BFSP1: variants seen among roughly 807,000 people sequenced by gnomAD.
The protein encoded by BFSP1 is filensin.
Under a neutral mutation model 43.9 loss-of-function variants are expected in BFSP1, and 38 were observed. The ratio of observed to expected loss-of-function variants is 0.87; its 90% confidence interval spans 0.67 to 1.14. The LOEUF (loss-of-function observed/expected upper bound fraction) is 1.14. Ranked by LOEUF, BFSP1 falls within the 50% of genes most tolerant of loss-of-function variation. The pLI is 0.00. For missense variants in BFSP1, 850 were observed against 875.1 expected, an observed-to-expected ratio of 0.97 and a Z score of 0.36; for synonymous variants, 352 against 354.8, an observed-to-expected ratio of 0.99 and a Z score of 0.09.
In BFSP1 at chr20:17,564,143, G is replaced by A. The variant is rs141052631; in HGVS notation, n.51-1048C>T. ...AGTCCAAGCGTTCCAGACCAGGCTG[G>A]GCAACATGGCAAGACTCTGTCTTTA... On this transcript the variant is annotated intron_variant and non_coding_transcript_variant, in intron 1 of 6. Transcript: ENST00000473415. Among the ~76,000 whole-genome samples, 473 of 151,938 alleles carry A rather than the reference G, an allele frequency of 3.1e-3. 5 individuals are homozygous for A. The highest frequency in any genetic ancestry group is 5.3e-3 in the Non-Finnish European group (359 of 67,968).
At chr20:17,495,603 C>T (rs977627110) in intron 7 of BFSP1, among the ~76,000 whole-genome samples, 1 of 152,210 alleles carries the variant, frequency 6.6e-6, no homozygotes, top group Non-Finnish European at 1.5e-5. Flanking sequence ...CGGCTGTGAT[C>T]AGCCTCCCCT....
At position 17,514,800 on chromosome 20, in the gene BFSP1, A is replaced by G; in HGVS notation, c.455T>C (p.Leu152Ser). The G allele has an allele frequency of 6.2e-7, 1 of 1,613,902 alleles. No homozygotes were observed. The highest frequency in any genetic ancestry group is 1.1e-5 in the South Asian group (1 of 91,064). The change falls in exon 3 of 8, where the codon TTG becomes TCG. Residue 152 changes from leucine to serine, a missense_variant. Coordinates refer to ENST00000377873, the MANE Select transcript of BFSP1 (RefSeq NM_001195.5). ...CAGCTGAAGGCGTAGGTTATGCAGC[A>G]AGGCTTCATCAGCTTCCTGCAATGA... Reference protein sequence around the residue: ...ERLNKEADEALLHNLRLQLEA... With the variant: ...ERLNKEADEASLHNLRLQLEA...
chr20:17,561,744 C>A (rs540552442), upstream of BFSP1, among the ~76,000 whole-genome samples: 9 of 152,248 alleles, frequency 5.9e-5, no homozygotes, highest in South Asian at 1.9e-3. Context: ...AACCGTGGGA[C>A]TGTTCATTTA....
At position 17,495,002 on chromosome 20, in the gene BFSP1, G is replaced by A. The variant is rs767400938; in HGVS notation, c.1070C>T (p.Thr357Ile). 6.2e-7 allele frequency: 1 copy of A among 1,613,616 alleles called. No individual in the cohort carries two copies. Among genetic ancestry groups the A allele is most frequent in the Non-Finnish European group, 8.5e-7 (1 of 1,179,898 alleles). ...KDLTRALQDI[T>I]AAKPRQKALP... is the part of the protein sequence containing the mutation. ...GGCTTTTTGTCTTGGTTTTGCTGCT[G>A]TTATATCCTGCAGAGCTCTGGTAAG... Residue 357 changes from threonine to isoleucine, a missense_variant, in exon 8 of 8, where the codon ACA (threonine) becomes ATA (isoleucine). Physicochemically the swap from Thr to Ile is moderately conservative, Grantham distance 89. Coordinates refer to ENST00000377873, the MANE Select transcript of BFSP1 (RefSeq NM_001195.5).
Position 17,557,066 on chromosome 20 carries a change from C to G in BFSP1, c.2+1622G>C, listed in dbSNP as rs8114135. Among the ~76,000 whole-genome samples, 340 of 152,314 alleles carry G rather than the reference C, an allele frequency of 2.2e-3. 2 individuals are homozygous for G. The highest frequency in any genetic ancestry group is 7.9e-3 in the African/African-American group (328 of 41,570). ...CTGCTGCCTCCCTGGCTGCCAGCATCACCTTGGCTACCTGCAGAGACACTC... is the reference window on the plus strand; with the variant it reads ...CTGCTGCCTCCCTGGCTGCCAGCATGACCTTGGCTACCTGCAGAGACACTC... On this transcript the variant is annotated intron_variant, in intron 1 of 7. Coordinates refer to the BFSP1 transcript ENST00000377868.
At chr20:17,499,675 A>G (rs1391536368) in intron 5 of BFSP1, among the ~76,000 whole-genome samples, 1 of 152,230 alleles carries the variant, frequency 6.6e-6, no homozygotes, top group East Asian at 1.9e-4. Flanking sequence ...TAATCCCAGA[A>G]CTTTGGGAGG....
At chr20:17,537,472 T>C (rs906143032) in intron 1 of BFSP1, among the ~76,000 whole-genome samples, 1 of 150,910 alleles carries the variant, frequency 6.6e-6, no homozygotes, top group African/African-American at 2.4e-5. Flanking sequence ...CTCTGAAGAG[T>C]TGCTGGAAAA....
chr20:17,562,526 C>CAAAAAAA (rs550158623), upstream of BFSP1, among the ~76,000 whole-genome samples: 6 of 48,018 alleles, frequency 1.2e-4, no homozygotes, highest in Non-Finnish European at 2.1e-4. Context: ...GACTCTGTCT[C>CAAAAAAA]AAAAAAAAAA....
At chr20:17,499,456 A>C (rs1349342729) in intron 5 of BFSP1, among the ~76,000 whole-genome samples, 6 of 119,876 alleles carry the variant, frequency 5.0e-5, no homozygotes, top group African/African-American at 2.0e-4. Flanking sequence ...TTCGTTGCCC[A>C]GGCTGGTTTC....
rs549468406 is a variant in BFSP1 at position 17,523,314 on chromosome 20, CGTGA to C, written c.438+1530_438+1533del. Reference sequence around the variant, plus strand: ...TTGAAGAGTACCCAGGATGGCACTGCGTGAGTGACAAGTGAGGACAGATGCTCAC... The same window carrying C: ...TTGAAGAGTACCCAGGATGGCACTGCGTGACAAGTGAGGACAGATGCTCAC... On this transcript the variant is annotated intron_variant, in intron 2 of 7. Transcript: ENST00000377873. 1.7e-3 allele frequency among the ~76,000 whole-genome samples: 253 copies of C among 152,136 alleles called. 1 individual carries two copies. Among genetic ancestry groups the C allele is most frequent in the South Asian group, 3.1e-3 (15 of 4,808 alleles).
chr20:17,530,637 C>T (rs905522243), intron 1 of BFSP1, among the ~76,000 whole-genome samples: 1 of 152,188 alleles, frequency 6.6e-6, no homozygotes, highest in African/African-American at 2.4e-5. Context: ...CGTGGTAACA[C>T]GGGTATATAC....
rs2034394167 is a variant in BFSP1, at chr20:17,525,140, A to G, written c.378-232T>C. 6.6e-6 allele frequency among the ~76,000 whole-genome samples: 1 copy of G among 152,092 alleles called. No homozygotes were observed. On this transcript the variant is annotated intron_variant, in intron 1 of 7. Coordinates refer to ENST00000377873, the MANE Select transcript of BFSP1 (RefSeq NM_001195.5). This position sits in a 1 kb window ranked among gnomAD's most constrained non-coding sequence, Gnocchi z 4.2. ...GGTAACCAGGGGCAGTTAGCGGAAT[A>G]GGAGTCTCCCAGCCCGAAGGCACCA...
chr20:17,551,825 A>G (rs1049543491), intron 1 of BFSP1, among the ~76,000 whole-genome samples: 1 of 152,140 alleles, frequency 6.6e-6, no homozygotes, highest in Non-Finnish European at 1.5e-5. Context: ...TCTACTAAAA[A>G]TACAAAAACA....
chr20:17,526,159 G>A (rs1263937567), intron 1 of BFSP1, among the ~76,000 whole-genome samples: 2 of 70,270 alleles, frequency 2.8e-5, no homozygotes, highest in African/African-American at 5.3e-5. Flanking sequence ...GGGGGGGGGG[G>A]GCTGGTAAAA....
intron 2 of BFSP1, 56 bp from the exon 3 acceptor site, chr20:17,514,872 G>T: frequency 5.2e-6 from 8 of 1,529,148 alleles, no homozygotes; most frequent in Non-Finnish European, 6.3e-6. Flanking sequence ...TAGGGGTAAA[G>T]CTGGCCGGGT....
chr20:17,511,839 G>T, intron 4 of BFSP1, 137 bp downstream of exon 4: 1 of 606,110 alleles, frequency 1.6e-6, no homozygotes, highest in Non-Finnish European at 2.9e-6. Context: ...AGAAACTTCA[G>T]ATGAGAATAC....
At chr20:17,547,874 G>A (rs2034829417) in intron 1 of BFSP1, among the ~76,000 whole-genome samples, 1 of 148,612 alleles carries the variant, frequency 6.7e-6, no homozygotes, top group African/African-American at 2.5e-5. Flanking sequence ...GAGATTACAG[G>A]CTTATGCCAC....
upstream of BFSP1, among the ~76,000 whole-genome samples, chr20:17,559,217 T>A (rs2122123843): frequency 6.6e-6 from 1 of 152,216 alleles, no homozygotes; most frequent in South Asian, 2.1e-4. Flanking sequence ...TACAGCAATT[T>A]ATTGCTTTTG....
At chr20:17,562,195 G>C (rs921174377), upstream of BFSP1, among the ~76,000 whole-genome samples, 15 of 151,594 alleles carry the variant, frequency 9.9e-5, no homozygotes, top group Non-Finnish European at 1.3e-4. Flanking sequence ...GCTGGGATTA[G>C]AGGCATGAGC....
Sources: allele counts gnomAD v4.1 joint callset (sites outside exome capture counted in the v4.1 genomes callset), GRCh38; gene constraint gnomAD v4.1.1; non-coding constraint Gnocchi (gnomAD v3.1); transcripts MANE v1.5; gene names NCBI Gene and HGNC (gene_info 2026-07-23, HGNC 2026-07-21).